The following CC2D2A variants were observed in gnomAD, a reference collection of about 807,000 sequenced individuals.
CC2D2A encodes coiled-coil and C2 domain containing 2A.
In CC2D2A, 155 loss-of-function variants were observed where a neutral mutation model predicts 212.9. The ratio of observed to expected loss-of-function variants is 0.73; its 90% CI spans 0.64 to 0.83. CC2D2A has a LOEUF of 0.83. Among genes scored for constraint, CC2D2A ranks in the 40% least tolerant of loss-of-function variants. The pLI, the probability that CC2D2A is intolerant of heterozygous loss-of-function variation, is 0.00. For missense variants in CC2D2A, 1,856 were observed against 1,956.2 expected (o/e 0.95, Z 0.97); for synonymous variants, 667 against 686.5 (o/e 0.97, Z 0.44).
At chr4:15,526,292 C>T (rs916642854) in intron 11 of CC2D2A, among the ~76,000 whole-genome samples, 1 of 152,146 alleles carries the variant, frequency 6.6e-6, no homozygotes, top group Admixed American at 6.5e-5. Flanking sequence ...CTAATTTAAT[C>T]TTTTTCCTTA....
intron 16 of CC2D2A, among the ~76,000 whole-genome samples, chr4:15,538,713 T>A (rs1442241603): frequency 1.3e-5 from 2 of 152,240 alleles, no homozygotes; most frequent in Non-Finnish European, 2.9e-5. Context: ...AAGAGAAACA[T>A]CATTTGATTT....
At chr4:15,541,164 A>T (rs1039355465) in intron 17 of CC2D2A, 150 bp downstream of exon 17, 1 of 538,128 alleles carries the variant, frequency 1.9e-6, no homozygotes, top group Non-Finnish European at 3.0e-6. Context: ...ATACAAAAAA[A>T]AAAAATTAGC....
At position 15,597,459 on chromosome 4, in the gene CC2D2A, A is replaced by T; in HGVS notation, c.4490A>T (p.Gln1497Leu). 6.4e-7 allele frequency: 1 copy of T among 1,553,172 alleles called. No homozygotes were observed. Among genetic ancestry groups the T allele is most frequent in the Non-Finnish European group, 8.7e-7 (1 of 1,147,326 alleles). ...GACAAAGCAGCTGCAGCTGAGCTAC[A>T]AGACAGGTAACATAACATCCATAAA... is the stretch of plus-strand genomic sequence containing the variant. ...RSDKAAAAELQDRIEKILKEK... is the reference protein window; with the variant it reads ...RSDKAAAAELLDRIEKILKEK... Residue 1497 changes from glutamine to leucine, a missense_variant, in exon 35 of 37, where the codon CAA (glutamine) becomes CTA (leucine). Gln to Leu is a moderately radical substitution (Grantham distance 113). Transcript: ENST00000424120.
chr4:15,515,133 G>T (rs970530449), intron 9 of CC2D2A, among the ~76,000 whole-genome samples: 49 of 152,348 alleles, frequency 3.2e-4, no homozygotes, highest in African/African-American at 1.2e-3. Flanking sequence ...CAGGGGCTTA[G>T]AGTTTATGAG....
intron 30 of CC2D2A, among the ~76,000 whole-genome samples, chr4:15,585,197 C>T (rs1000746423): frequency 6.6e-6 from 1 of 152,112 alleles, no homozygotes; most frequent in African/African-American, 2.4e-5. Context: ...TGCACTCACA[C>T]GTGTATTGCA....
intron 6 of CC2D2A, among the ~76,000 whole-genome samples, chr4:15,503,965 G>A (rs144709679): frequency 9.2e-5 from 14 of 152,240 alleles, no homozygotes; most frequent in Non-Finnish European, 1.6e-4. Flanking sequence ...GCGCTAAGAC[G>A]GCAGAAAAAG....
chr4:15,499,513 A>G (rs773562125), intron 4 of CC2D2A, among the ~76,000 whole-genome samples: 10 of 152,222 alleles, frequency 6.6e-5, no homozygotes, highest in African/African-American at 2.2e-4. Context: ...AAAATTGTCA[A>G]TGTTTTTAAA....
At chr4:15,514,422 C>A (rs1364518991) in intron 8 of CC2D2A, among the ~76,000 whole-genome samples, 1 of 152,128 alleles carries the variant, frequency 6.6e-6, no homozygotes, top group Non-Finnish European at 1.5e-5. Flanking sequence ...TCATAGGAGG[C>A]CAGATTTGTT....
chr4:15,533,337 G>T lies in CC2D2A; in HGVS notation c.1607+4G>T. The T allele has an allele frequency of 6.5e-7, 1 of 1,527,202 alleles. No individual in the cohort carries two copies. The highest frequency in any genetic ancestry group is 8.8e-7 in the Non-Finnish European group (1 of 1,139,092). 94.6% of individuals were successfully genotyped at this position (1,527,202 alleles called of 1,614,324 possible). On this transcript the variant is annotated splice_donor_region_variant and intron_variant, in intron 14 of 36. Transcript: ENST00000424120. ...CCTTGAAACTTGTTTTGAGAAAGTA[G>T]GCTTTTTTGAAAAATTATTTTATTG... is the stretch of plus-strand genomic sequence containing the variant.
chr4:15,517,033 C>T (rs1279210809), intron 11 of CC2D2A, among the ~76,000 whole-genome samples: 6 of 149,748 alleles, frequency 4.0e-5, no homozygotes, highest in Admixed American at 6.7e-5. Flanking sequence ...CTGCAGGCTC[C>T]GCCTCCCGGG....
chr4:15,586,258 T>G lies in CC2D2A; in HGVS notation c.4065+12T>G, dbSNP rs1720851699. 1 of 1,514,482 alleles carries G rather than the reference T, an allele frequency of 6.6e-7. No individual in the cohort carries two copies. The highest frequency in any genetic ancestry group is 1.3e-5 in the South Asian group (1 of 74,934). The allele number at this position is 1,514,482 out of a possible 1,614,324, so 93.8% of individuals were successfully genotyped here. On this transcript the variant is annotated intron_variant, in intron 31 of 36. Coordinates refer to ENST00000424120, the MANE Select transcript of CC2D2A (RefSeq NM_001378615.1). ...GGAGCACATCTGATGTAAGTAGTTC[T>G]TCTTCACAGATTTAGAAACTTGAGC...
intron 4 of CC2D2A, among the ~76,000 whole-genome samples, chr4:15,482,630 C>A (rs1297919362): frequency 6.6e-6 from 1 of 152,140 alleles, no homozygotes; most frequent in Non-Finnish European, 1.5e-5. Context: ...TTACCTCCTA[C>A]AGGTTCTATC....
intron 17 of CC2D2A, 111 bp from the exon 18 acceptor site, chr4:15,550,713 T>C (rs1718951824): frequency 1.4e-6 from 1 of 710,786 alleles, no homozygotes; most frequent in Admixed American, 3.5e-5. Context: ...AGATGAGCCC[T>C]TAGGGCTGGA....
Position 15,557,499 on chromosome 4 carries a change from GT to G in CC2D2A, c.2822del (p.Val941AspfsTer14). On this transcript the variant is annotated frameshift_variant, in exon 21 of 37. Coordinates refer to ENST00000424120, the MANE Select transcript of CC2D2A (RefSeq NM_001378615.1). LOFTEE classifies it high-confidence loss of function. ...CTATGACCGAGAAATTATGGAAAAG[GT>G]ATTCCAGGTAAGAAACTGCCATAGA... ...PVYDREIMEKVFQDYEKRLRD... is the reference protein window; with the variant it reads ...PVYDREIMEKXFQDYEKRLRD... The G allele has an allele frequency of 5.0e-6, 8 of 1,598,932 alleles. No homozygotes were observed. Among genetic ancestry groups the G allele is most frequent in the Non-Finnish European group, 6.0e-6 (7 of 1,172,460 alleles).
At chr4:15,481,061 C>T in intron 4 of CC2D2A, 1 of 496,306 alleles carries the variant, frequency 2.0e-6, no homozygotes, top group Non-Finnish European at 3.8e-6. Context: ...TGTTTGTCCC[C>T]TCCAAATCTG....
In CC2D2A at chr4:15,553,302, G is replaced by A. The variant is rs375243763; in HGVS notation, c.2483G>A (p.Arg828Gln). ...PPLSQQNIGFRSALKKADAIS... is the reference protein window; with the variant it reads ...PPLSQQNIGFQSALKKADAIS... ...TTGTCACAGCAGAACATCGGATTTC[G>A]GAGGTAATACATGGCAAGAGTAAAT... Residue 828 changes from arginine (R) to glutamine (Q), a missense_variant, in exon 19 of 37, where the codon CGG becomes CAG. By Grantham distance (43) the Arg-to-Gln change is conservative. Around this residue, in one of 5 missense-constraint regions of CC2D2A, gnomAD observed 1,512 missense variants for 1,579.3 expected, o/e 0.96. Transcript: ENST00000424120. 1.0e-4 allele frequency: 167 copies of A among 1,611,986 alleles called. No homozygotes were observed. The highest frequency in any genetic ancestry group is 1.2e-4 in the Non-Finnish European group (145 of 1,179,202).
At chr4:15,559,317 GAAAGTC>G in intron 22 of CC2D2A, 60 bp downstream of exon 22, 1 of 1,077,686 alleles carries the variant, frequency 9.3e-7, no homozygotes, top group South Asian at 1.4e-5. Flanking sequence ...CCCTAAGGTG[GAAAGTC>G]CTCTACTCTT....
rs535838435 is a variant in CC2D2A, at chr4:15,589,737, A to T, written c.4314+58A>T. 83 of 1,237,332 alleles carry T rather than the reference A, an allele frequency of 6.7e-5. 1 individual carries two copies. In the South Asian group the frequency reaches 2.0e-3, roughly 30 times the overall value. 76.6% of individuals were successfully genotyped at this position (1,237,332 alleles called of 1,614,324 possible). On this transcript the variant is annotated intron_variant, in intron 33 of 36. Coordinates refer to ENST00000424120, the MANE Select transcript of CC2D2A (RefSeq NM_001378615.1). ...AGCTGTCGTTTCTTTTAAATAACTG[A>T]CCTATTGATTTAAATATTTTATGTA...
Position 15,560,595 on chromosome 4 carries a change from T to C in CC2D2A, c.2987T>C (p.Ile996Thr), listed in dbSNP as rs754327317. Reference protein sequence around the residue: ...AKQYFLLADMIVEEEVPNISI... With the variant: ...AKQYFLLADMTVEEEVPNISI... ...CAATATTTTCTTCTTGCTGATATGA[T>C]AGTAGAAGAAGAAGTTCCCAATATC... The change falls in exon 23 of 37, where the codon ATA (isoleucine) becomes ACA (threonine). Residue 996 changes from isoleucine (I) to threonine (T), a missense_variant. Physicochemically the swap from Ile to Thr is moderately conservative, Grantham distance 89. Coordinates refer to ENST00000424120, the MANE Select transcript of CC2D2A (RefSeq NM_001378615.1). 25 of 1,489,334 alleles carry C rather than the reference T, an allele frequency of 1.7e-5. No homozygotes were observed. Among genetic ancestry groups the C allele is most frequent in the Non-Finnish European group, 2.2e-5 (24 of 1,082,666 alleles). 92.3% of individuals were successfully genotyped at this position (1,489,334 alleles called of 1,614,324 possible). A position where few individuals can be genotyped will look rare whatever the true frequency, so the allele number is the denominator to read the frequency against.
Sources: allele counts gnomAD v4.1 joint callset (sites outside exome capture counted in the v4.1 genomes callset), GRCh38; gene constraint gnomAD v4.1.1; regional missense constraint gnomAD v4.1.1; transcripts MANE v1.5; gene names NCBI Gene and HGNC (gene_info 2026-07-23, HGNC 2026-07-21).